Variants in PLB1 observed in about 807,000 individuals in gnomAD.
PLB1 encodes the protein phospholipase B1.
In PLB1, 242 loss-of-function variants were observed where a neutral mutation model predicts 227.4. The observed-to-expected ratio is 1.06, with a 90% CI of 0.96 to 1.18. The LOEUF is 1.18. Among genes scored for constraint, PLB1 ranks in the 50% most tolerant of loss-of-function variants. The pLI is 0.00. For synonymous variants in PLB1, 757 were observed against 682.2 expected (o/e 1.11, Z -1.71); for missense variants, 1,858 against 1,816.3 (o/e 1.02, Z -0.42).
chr2:28,585,447 T>G, intron 25 of PLB1: 1 of 276,444 alleles, frequency 3.6e-6, no homozygotes, highest in East Asian at 8.2e-5. Context: ...AGCTAATAGT[T>G]TGTATTTTTA....
chr2:28,623,457 G>A (rs1687319955), intron 49 of PLB1, among the ~76,000 whole-genome samples: 1 of 152,090 alleles, frequency 6.6e-6, no homozygotes, highest in Non-Finnish European at 1.5e-5. Context: ...CCTGTTAAAA[G>A]GTTAAAGGCA....
intron 20 of PLB1, among the ~76,000 whole-genome samples, chr2:28,567,465 T>TAC (rs1677171544): frequency 7.5e-6 from 1 of 133,842 alleles, no homozygotes; most frequent in African/African-American, 3.2e-5. Flanking sequence ...AATGATTTCT[T>TAC]TCTCTTTTTT....
At chr2:28,597,699 G>GAGATGTGAAATC (rs1187671868) in intron 33 of PLB1, among the ~76,000 whole-genome samples, 1 of 152,196 alleles carries the variant, frequency 6.6e-6, no homozygotes, top group Non-Finnish European at 1.5e-5. Context: ...GGCTTGTTGG[G>GAGATGTGAAATC]AGATGTGAAA....
At position 28,589,563 on chromosome 2, in the gene PLB1, A is replaced by T; in HGVS notation, c.1920+9A>T. On this transcript the variant is annotated intron_variant, in intron 27 of 57. Coordinates refer to ENST00000327757, the MANE Select transcript of PLB1 (RefSeq NM_153021.5). Reference sequence around the variant, plus strand: ...ACATGCCAAAGACCTCGGTAAAGAAAGCAAGCATCGTAGAAAAATAGAATC... The same window carrying T: ...ACATGCCAAAGACCTCGGTAAAGAATGCAAGCATCGTAGAAAAATAGAATC... 7 of 1,613,860 alleles carry T rather than the reference A, an allele frequency of 4.3e-6. No individual in the cohort carries two copies. The highest frequency in any genetic ancestry group is 5.9e-6 in the Non-Finnish European group (7 of 1,179,724).
chr2:28,609,001 C>T (rs561269727), intron 43 of PLB1, among the ~76,000 whole-genome samples: 1 of 152,278 alleles, frequency 6.6e-6, no homozygotes, highest in South Asian at 2.1e-4. Flanking sequence ...CTGCAGCTTT[C>T]AACTCCTAGG....
chr2:28,503,861 T>C (rs1212100545), intron 1 of PLB1, among the ~76,000 whole-genome samples: 2 of 152,170 alleles, frequency 1.3e-5, no homozygotes, highest in Non-Finnish European at 2.9e-5. Flanking sequence ...GGATTCAAGG[T>C]GAAGGAAATA....
intron 26 of PLB1, among the ~76,000 whole-genome samples, chr2:28,586,896 T>C (rs1359104456): frequency 6.6e-6 from 1 of 152,098 alleles, no homozygotes; most frequent in African/African-American, 2.4e-5. Context: ...TACAGGTGTG[T>C]GCCACCACAC....
intron 43 of PLB1, among the ~76,000 whole-genome samples, chr2:28,609,626 G>C (rs986074735): frequency 4.3e-4 from 65 of 152,082 alleles, no homozygotes; most frequent in African/African-American, 1.5e-3. Flanking sequence ...ATCCTGCCAT[G>C]ACCCCACCAC....
chr2:28,504,365 T>C (rs1041927627), intron 1 of PLB1, among the ~76,000 whole-genome samples: 7 of 152,256 alleles, frequency 4.6e-5, no homozygotes, highest in African/African-American at 1.4e-4. Flanking sequence ...AAATTTAACT[T>C]ACATTTGGTT....
chr2:28,539,108 G>A lies in PLB1; in HGVS notation c.628G>A (p.Ala210Thr), dbSNP rs1158196631. The change falls in exon 11 of 58, where the codon GCA becomes ACA. Residue 210 changes from alanine to threonine, a missense_variant. By Grantham distance (58) the Ala-to-Thr change is moderately conservative. Coordinates refer to ENST00000327757, the MANE Select transcript of PLB1 (RefSeq NM_153021.5). The part of the protein sequence containing the change: ...LDYLQQEVPR[A>T]FVNLVDLSEV... ...CTGTGTGTCCTCCTAGGTCCCCAGA[G>A]CATTTGTAAACCTGGTGGACCTCTC... The A allele has an allele frequency of 6.2e-7, 1 of 1,613,558 alleles. No individual in the cohort carries two copies. Among genetic ancestry groups the A allele is most frequent in the South Asian group, 1.1e-5 (1 of 91,070 alleles).
At chr2:28,549,455 T>TGCCAGGCTG (rs1378578715) in intron 15 of PLB1, among the ~76,000 whole-genome samples, 1 of 116,752 alleles carries the variant, frequency 8.6e-6, no homozygotes, top group Non-Finnish European at 1.6e-5. Context: ...CTCGCCCTGT[T>TGCCAGGCTG]GCCAGGCTGG....
chr2:28,537,877 A>G (rs1208645928), intron 9 of PLB1, among the ~76,000 whole-genome samples: 2 of 152,106 alleles, frequency 1.3e-5, no homozygotes, highest in Admixed American at 1.3e-4. Context: ...ATAGGATCAC[A>G]TGAAGGTTCC....
intron 1 of PLB1, among the ~76,000 whole-genome samples, chr2:28,509,981 C>T (rs1668052141): frequency 6.6e-6 from 1 of 152,134 alleles, no homozygotes; most frequent in Non-Finnish European, 1.5e-5. Context: ...GGACGCTTAA[C>T]ATTTAGATCC....
chr2:28,524,102 A>G (rs1174451077), intron 4 of PLB1, among the ~76,000 whole-genome samples: 3 of 152,202 alleles, frequency 2.0e-5, no homozygotes, highest in African/African-American at 4.8e-5. Flanking sequence ...ACCTAGGTCT[A>G]TAGGCAGGTG....
At position 28,577,308 on chromosome 2, in the gene PLB1, C is replaced by A. The variant is rs139332125; in HGVS notation, c.1434-799C>A. On this transcript the variant is annotated intron_variant, in intron 21 of 57. Transcript: ENST00000327757. ...GTCTCCATTTTGTAGTCTTTTTGAACTGAGAATTTAAGTCACTTTCACACT... is the reference window on the plus strand; with the variant it reads ...GTCTCCATTTTGTAGTCTTTTTGAAATGAGAATTTAAGTCACTTTCACACT... 7.0e-3 allele frequency among the ~76,000 whole-genome samples: 1,061 copies of A among 152,280 alleles called. 16 individuals carry two copies. Among genetic ancestry groups the A allele is most frequent in the African/African-American group, 0.024 (1,016 of 41,562 alleles).
At chr2:28,529,205 A>G (rs993353288) in intron 6 of PLB1, 112 bp from the exon 7 acceptor site, 3 of 698,490 alleles carry the variant, frequency 4.3e-6, no homozygotes, top group Non-Finnish European at 7.4e-6. Flanking sequence ...TCAGCCTCCC[A>G]AGGTACTGAG....
At chr2:28,545,303 G>A (rs964752088) in intron 14 of PLB1, among the ~76,000 whole-genome samples, 4 of 152,164 alleles carry the variant, frequency 2.6e-5, no homozygotes, top group Non-Finnish European at 5.9e-5. Context: ...GGGACATGGG[G>A]GGCAGGGAGA....
At chr2:28,502,098 A>G (rs1292150218) in intron 1 of PLB1, among the ~76,000 whole-genome samples, 3 of 152,216 alleles carry the variant, frequency 2.0e-5, no homozygotes, top group Non-Finnish European at 4.4e-5. Flanking sequence ...TACCAGCAAT[A>G]TATATGAAAT....
chr2:28,592,817 T>A, intron 32 of PLB1, 98 bp downstream of exon 32: 1 of 1,139,620 alleles, frequency 8.8e-7, no homozygotes, highest in Non-Finnish European at 1.3e-6. Flanking sequence ...TCCTCTGCCT[T>A]ATCTTGCCCC....
Sources: gnomAD v4.1 joint callset for allele counts (sites outside exome capture counted in the v4.1 genomes callset) on GRCh38, gnomAD v4.1.1 for gene constraint, MANE v1.5 for transcripts, NCBI Gene and HGNC (gene_info 2026-07-23, HGNC 2026-07-21) for gene names.